ADAMTSL3: variants seen among roughly 807,000 people sequenced by gnomAD.
The protein encoded by ADAMTSL3 is ADAMTS-like protein 3.
Under a neutral mutation model 201.7 loss-of-function variants are expected in ADAMTSL3, and 128 were observed. That is an observed-to-expected ratio of 0.63 (90% CI 0.55 to 0.73). The LOEUF (loss-of-function observed/expected upper bound fraction) is 0.73, where lower values mean the gene tolerates loss of function less well. Ranked by LOEUF, ADAMTSL3 falls within the 30% of genes least tolerant of loss-of-function variation. The pLI, the probability that ADAMTSL3 is intolerant of heterozygous loss-of-function variation, is 0.00. For synonymous variants in ADAMTSL3, 738 were observed against 748.4 expected (o/e 0.99, Z 0.23); for missense variants, 1,990 against 2,119.6 (o/e 0.94, Z 1.20).
chr15:83,684,499 G>T (rs1175345111), intron 2 of ADAMTSL3, among the ~76,000 whole-genome samples: 1 of 152,068 alleles, frequency 6.6e-6, no homozygotes, highest in Non-Finnish European at 1.5e-5. Context: ...AGGAGTTTGA[G>T]GCTGTAGTGT....
At chr15:83,729,301 G>T (rs980353302) in intron 3 of ADAMTSL3, among the ~76,000 whole-genome samples, 10 of 151,920 alleles carry the variant, frequency 6.6e-5, no homozygotes, top group Non-Finnish European at 1.5e-4. Flanking sequence ...TTTTCTGTAG[G>T]TTTGGGAAAT....
chr15:83,993,731 G>A (rs1232688065), intron 23 of ADAMTSL3, among the ~76,000 whole-genome samples: 2 of 152,118 alleles, frequency 1.3e-5, no homozygotes, highest in African/African-American at 4.8e-5. Context: ...TCTAACTTGC[G>A]AGAGTTATTT....
chr15:84,028,679 C>G (rs887907680), intron 27 of ADAMTSL3, among the ~76,000 whole-genome samples: 3 of 152,138 alleles, frequency 2.0e-5, no homozygotes, highest in Non-Finnish European at 2.9e-5. Flanking sequence ...TTCCTTCTCC[C>G]CAGAGGTGGT....
At chr15:84,016,586 A>C (rs2068091069) in intron 25 of ADAMTSL3, 87 bp downstream of exon 25, 1 of 1,117,932 alleles carries the variant, frequency 8.9e-7, no homozygotes, top group Non-Finnish European at 1.3e-6. Context: ...TGTATTTTTC[A>C]CTTTGCAATA....
intron 9 of ADAMTSL3, among the ~76,000 whole-genome samples, chr15:83,875,408 A>T (rs1016038892): frequency 6.6e-6 from 1 of 152,230 alleles, no homozygotes; most frequent in Non-Finnish European, 1.5e-5. Context: ...GCTGTTGGCC[A>T]GTGACACCCT....
chr15:83,723,232 C>T (rs573287542), intron 3 of ADAMTSL3, among the ~76,000 whole-genome samples: 1 of 152,050 alleles, frequency 6.6e-6, no homozygotes, highest in South Asian at 2.1e-4. Flanking sequence ...AATATAAACC[C>T]AAGCAATGAC....
chr15:83,811,463 C>T (rs141687333), intron 5 of ADAMTSL3, among the ~76,000 whole-genome samples: 31 of 152,068 alleles, frequency 2.0e-4, no homozygotes, highest in Admixed American at 3.9e-4. Context: ...CAAAAAGGAA[C>T]CTATTATCAA....
chr15:84,006,518 C>G (rs2067897572), intron 23 of ADAMTSL3, among the ~76,000 whole-genome samples: 1 of 152,158 alleles, frequency 6.6e-6, no homozygotes, highest in Non-Finnish European at 1.5e-5. Flanking sequence ...AAGACACCCC[C>G]GAGGTGCAAA....
Position 83,786,337 on chromosome 15 carries a change from A to G in ADAMTSL3, c.317+12687A>G, listed in dbSNP as rs142034143. 6.3e-3 allele frequency among the ~76,000 whole-genome samples: 959 copies of G among 152,238 alleles called. 8 individuals carry two copies. The highest frequency in any genetic ancestry group is 0.013 in the Admixed American group (195 of 15,292). On this transcript the variant is annotated intron_variant, in intron 4 of 29. Transcript: ENST00000286744. ...GTTCTTTGTTTATTTTTATGGGTAC[A>G]TAGGTGTATATATTTATGTGAGATA...
At chr15:83,841,879 T>C (rs941150516) in intron 7 of ADAMTSL3, among the ~76,000 whole-genome samples, 3 of 151,756 alleles carry the variant, frequency 2.0e-5, no homozygotes, top group Non-Finnish European at 4.4e-5. Flanking sequence ...GACTGGATGT[T>C]GAGAGGAACA....
intron 3 of ADAMTSL3, among the ~76,000 whole-genome samples, chr15:83,704,965 A>AGTGTGTGTGT (rs10536633): frequency 1.4e-5 from 2 of 147,580 alleles, no homozygotes; most frequent in Admixed American, 6.7e-5. Flanking sequence ...TATGTCTGTG[A>AGTGTGTGTGT]GTGTGTGTGT....
intron 9 of ADAMTSL3, among the ~76,000 whole-genome samples, chr15:83,877,110 A>AT (rs908470442): frequency 8.0e-5 from 12 of 149,266 alleles, no homozygotes; most frequent in South Asian, 4.3e-4. Flanking sequence ...AACAAAAAAA[A>AT]TTTTTTTTTT....
At chr15:83,962,439 C>A (rs1462707258) in intron 19 of ADAMTSL3, 1 of 152,096 alleles carries the variant, frequency 6.6e-6, no homozygotes, top group Non-Finnish European at 1.5e-5. Context: ...TTTATTTAAT[C>A]TTCTTTATTA....
chr15:83,887,851 G>A (rs2065426867), intron 10 of ADAMTSL3, among the ~76,000 whole-genome samples: 2 of 152,158 alleles, frequency 1.3e-5, no homozygotes, highest in South Asian at 2.1e-4. Flanking sequence ...CCAGCCTCTC[G>A]AGTAGCTGGG....
intron 10 of ADAMTSL3, among the ~76,000 whole-genome samples, chr15:83,889,459 A>C (rs2065461552): frequency 6.6e-6 from 1 of 152,232 alleles, no homozygotes; most frequent in African/African-American, 2.4e-5. Flanking sequence ...TGAGTGAAAA[A>C]AGTGGAAAAC....
chr15:83,656,403 C>T (rs565893061), intron 2 of ADAMTSL3, among the ~76,000 whole-genome samples: 5 of 152,108 alleles, frequency 3.3e-5, no homozygotes, highest in South Asian at 2.1e-4. Flanking sequence ...TAGAGAGTAA[C>T]GGAGACAGTG....
intron 17 of ADAMTSL3, among the ~76,000 whole-genome samples, chr15:83,927,682 C>T (rs76427944): frequency 0.017 from 2,562 of 152,268 alleles, 85 homozygotes; most frequent in African/African-American, 0.055. Flanking sequence ...GATGACTTCT[C>T]CATGAGCATA....
At chr15:83,683,522 G>A (rs923352435) in intron 2 of ADAMTSL3, among the ~76,000 whole-genome samples, 7 of 152,070 alleles carry the variant, frequency 4.6e-5, no homozygotes, top group African/African-American at 1.7e-4. Flanking sequence ...CATTCCTTGA[G>A]GTCTATGTCT....
At chr15:83,779,946 T>C (rs2063140204) in intron 4 of ADAMTSL3, among the ~76,000 whole-genome samples, 1 of 152,074 alleles carries the variant, frequency 6.6e-6, no homozygotes, top group Non-Finnish European at 1.5e-5. Flanking sequence ...AAGAGGGAAA[T>C]TTGTAGCACT....
Sources: gnomAD v4.1 joint callset for allele counts (sites outside exome capture counted in the v4.1 genomes callset) on GRCh38, gnomAD v4.1.1 for gene constraint, MANE v1.5 for transcripts, NCBI Gene and HGNC (gene_info 2026-07-23, HGNC 2026-07-21) for gene names.